The following TCF7L2 variants were observed in gnomAD, a reference collection of about 807,000 sequenced individuals.
The protein encoded by TCF7L2 is transcription factor 7 like 2.
In TCF7L2, 23 loss-of-function variants were observed where a neutral mutation model predicts 77.9. The observed-to-expected ratio is 0.30, with a 90% CI of 0.21 to 0.42. The LOEUF is 0.42. Ranked by LOEUF, TCF7L2 falls within the 10% of genes least tolerant of loss-of-function variation. The probability of loss-of-function intolerance (pLI) is 1.00; values close to 1 mark genes in which losing one functional copy is unlikely to be tolerated. For missense variants in TCF7L2, 654 were observed against 793.1 expected, an observed-to-expected ratio of 0.82 and a Z score of 2.11; for synonymous variants, 413 against 340.2, an observed-to-expected ratio of 1.21 and a Z score of -2.36.
intron 4 of TCF7L2, among the ~76,000 whole-genome samples, chr10:113,035,417 T>C (rs1480393124): frequency 6.6e-6 from 1 of 152,240 alleles, no homozygotes; most frequent in Non-Finnish European, 1.5e-5. Flanking sequence ...CGTGCTTTTT[T>C]CTGGCCAGTG....
At chr10:112,965,366 A>C (rs956637834) in intron 4 of TCF7L2, among the ~76,000 whole-genome samples, 1 of 152,202 alleles carries the variant, frequency 6.6e-6, no homozygotes, top group Admixed American at 6.5e-5. Context: ...GGGAGAGCAG[A>C]CTAATACGAT....
intron 5 of TCF7L2, among the ~76,000 whole-genome samples, chr10:113,098,746 A>G (rs1249535434): frequency 6.6e-6 from 1 of 152,194 alleles, no homozygotes; most frequent in African/African-American, 2.4e-5. Flanking sequence ...TTTAAAATAT[A>G]TTATGATCAT....
At chr10:113,066,910 A>G (rs2057334890) in intron 5 of TCF7L2, among the ~76,000 whole-genome samples, 1 of 152,208 alleles carries the variant, frequency 6.6e-6, no homozygotes, top group Non-Finnish European at 1.5e-5. Context: ...ACCTTAGCCC[A>G]TCTCCTCATT....
chr10:113,065,017 T>G (rs1361025544), intron 5 of TCF7L2, among the ~76,000 whole-genome samples: 1 of 151,930 alleles, frequency 6.6e-6, no homozygotes, highest in Non-Finnish European at 1.5e-5. Context: ...GAAGGCTTTG[T>G]GTAGAGGATG....
intron 6 of TCF7L2, 146 bp downstream of exon 6, chr10:113,141,462 T>C: frequency 8.4e-7 from 1 of 1,185,786 alleles, no homozygotes; most frequent in South Asian, 1.6e-5. Context: ...CTTTTCTGGG[T>C]GTTGAAAAGG....
At chr10:113,092,436 C>T (rs548894354) in intron 5 of TCF7L2, among the ~76,000 whole-genome samples, 5 of 152,314 alleles carry the variant, frequency 3.3e-5, no homozygotes, top group African/African-American at 1.2e-4. Flanking sequence ...TGGGCTCAGA[C>T]TGGTGCAGGC....
chr10:113,146,841 A>G (rs1183680087), intron 8 of TCF7L2, among the ~76,000 whole-genome samples: 2 of 152,256 alleles, frequency 1.3e-5, no homozygotes, highest in Middle Eastern at 3.4e-3. Flanking sequence ...CAAATATTCA[A>G]TAGCCACACG....
rs1170606212 is a variant in TCF7L2, at chr10:113,141,168, G to A, written c.553-16G>A. 1.2e-6 allele frequency: 2 copies of A among 1,613,430 alleles called. No homozygotes were observed. The highest frequency in any genetic ancestry group is 1.3e-5 in the African/African-American group (1 of 74,848). On this transcript the variant is annotated splice_polypyrimidine_tract_variant and intron_variant, in intron 5 of 13. Coordinates refer to ENST00000627217, the MANE Select transcript of TCF7L2 (RefSeq NM_001146274.2). ...AACCGGCTTGACGGTGTCTTTCTCTGTTCTCCTCCCCACAGTCTAACAAAG... is the reference window on the plus strand; with the variant it reads ...AACCGGCTTGACGGTGTCTTTCTCTATTCTCCTCCCCACAGTCTAACAAAG...
chr10:113,115,679 G>C (rs145855185), intron 5 of TCF7L2, among the ~76,000 whole-genome samples: 6 of 152,112 alleles, frequency 3.9e-5, no homozygotes, highest in Admixed American at 3.3e-4. Flanking sequence ...AGCAGTGAAG[G>C]GTTTTTCTTT....
intron 5 of TCF7L2, among the ~76,000 whole-genome samples, chr10:113,063,893 C>CATGT (rs139112555): frequency 1.4e-5 from 2 of 147,160 alleles, no homozygotes; most frequent in Non-Finnish European, 3.0e-5. Flanking sequence ...ATGGATGTGG[C>CATGT]GTGTGTGTGT....
intron 5 of TCF7L2, among the ~76,000 whole-genome samples, chr10:113,110,378 T>TTG: frequency 6.6e-6 from 1 of 151,564 alleles, no homozygotes; most frequent in Non-Finnish European, 1.5e-5. Flanking sequence ...GGTTTTTTTT[T>TTG]TTTTTTTTTT....
chr10:113,156,570 T>A (rs1297058643), intron 11 of TCF7L2, among the ~76,000 whole-genome samples: 1 of 152,224 alleles, frequency 6.6e-6, no homozygotes, highest in African/African-American at 2.4e-5. Flanking sequence ...CTACTTCATC[T>A]GGTAGGGCTA....
At chr10:113,024,503 T>C (rs1359227682) in intron 4 of TCF7L2, among the ~76,000 whole-genome samples, 1 of 152,158 alleles carries the variant, frequency 6.6e-6, no homozygotes, top group East Asian at 1.9e-4. Flanking sequence ...GCTGAAAGTG[T>C]TTTGGATTTT....
chr10:113,145,693 G>A (rs1480082334), intron 7 of TCF7L2, among the ~76,000 whole-genome samples: 1 of 152,156 alleles, frequency 6.6e-6, no homozygotes, highest in East Asian at 1.9e-4. Flanking sequence ...CTCAATTAGT[G>A]TGATGGCTCC....
At chr10:113,079,034 AT>A (rs1591421485) in intron 5 of TCF7L2, among the ~76,000 whole-genome samples, 1 of 151,742 alleles carries the variant, frequency 6.6e-6, no homozygotes, top group African/African-American at 2.4e-5. Context: ...GGGTTTCACC[AT>A]GTTGGCCAGG....
chr10:112,996,359 A>G (rs1293137277), intron 4 of TCF7L2, among the ~76,000 whole-genome samples: 1 of 152,208 alleles, frequency 6.6e-6, no homozygotes, highest in Non-Finnish European at 1.5e-5. Flanking sequence ...GAGAGCCTCA[A>G]TATTTTACAT....
chr10:113,099,943 A>G (rs886764511), intron 5 of TCF7L2, among the ~76,000 whole-genome samples: 1 of 152,146 alleles, frequency 6.6e-6, no homozygotes, highest in South Asian at 2.1e-4. Flanking sequence ...ATCAGGAAAA[A>G]GCAAAAACAT....
intron 5 of TCF7L2, among the ~76,000 whole-genome samples, chr10:113,094,347 T>G (rs2060714092): frequency 6.6e-6 from 1 of 152,232 alleles, no homozygotes; most frequent in African/African-American, 2.4e-5. Flanking sequence ...TTTTTGCTTG[T>G]TAGTCATTTG....
At chr10:113,127,680 C>T (rs1218284960) in intron 5 of TCF7L2, among the ~76,000 whole-genome samples, 1 of 151,748 alleles carries the variant, frequency 6.6e-6, no homozygotes, top group African/African-American at 2.4e-5. Context: ...ATGTTCTAAG[C>T]GTGGTGTACT....
Sources: gnomAD v4.1 joint callset for allele counts (sites outside exome capture counted in the v4.1 genomes callset) on GRCh38, gnomAD v4.1.1 for gene constraint, MANE v1.5 for transcripts, NCBI Gene and HGNC (gene_info 2026-07-23, HGNC 2026-07-21) for gene names.